ANKRD26: variants seen among roughly 807,000 people sequenced by gnomAD.
The protein encoded by ANKRD26 is ankyrin repeat domain 26.
ANKRD26 carries 141 observed loss-of-function variants against 208.7 expected under a neutral mutation model. That is an observed-to-expected ratio of 0.68 (90% CI 0.59 to 0.78). ANKRD26 has a LOEUF of 0.78. ANKRD26 is among the 30% of genes least tolerant of loss of function. The probability of loss-of-function intolerance (pLI) is 0.00; values close to 1 mark genes in which losing one functional copy is unlikely to be tolerated. For synonymous variants in ANKRD26, 636 were observed against 660.4 expected (o/e 0.96, Z 0.57); for missense variants, 1,889 against 1,938.7 (o/e 0.97, Z 0.48).
chr10:27,092,368 A>G (rs2056327603), intron 4 of ANKRD26, 38 bp downstream of exon 4: 1 of 1,484,804 alleles, frequency 6.7e-7, no homozygotes, highest in Non-Finnish European at 9.3e-7. Flanking sequence ...TTTTAAACAT[A>G]CAAGTTTAAA....
chr10:26,963,122 C>T, the ANKRD26 span, among the ~76,000 whole-genome samples: 2 of 152,302 alleles, frequency 1.3e-5, 1 homozygote, highest in Non-Finnish European at 2.9e-5. Flanking sequence ...TGATTATAAT[C>T]AGCTCATTTC....
intron 6 of ANKRD26, among the ~76,000 whole-genome samples, chr10:27,079,363 C>T (rs891887318): frequency 3.9e-5 from 6 of 152,176 alleles, no homozygotes; most frequent in Non-Finnish European, 2.9e-5. Context: ...TTACCAATTG[C>T]TGCCTCTACC....
exon 6 of ANKRD26, among the ~76,000 whole-genome samples, chr10:26,974,077 C>G (rs1247216077): frequency 2.0e-5 from 3 of 151,968 alleles, no homozygotes; most frequent in African/African-American, 4.8e-5. Context: ...CTATTCTACT[C>G]TTTTAGCAAT....
intron 15 of ANKRD26, among the ~76,000 whole-genome samples, chr10:27,054,750 G>A (rs1305727224): frequency 6.6e-6 from 1 of 152,094 alleles, no homozygotes; most frequent in African/African-American, 2.4e-5. Context: ...TTATATATTT[G>A]TCTAAAATAC....
chr10:26,964,254 C>T, the ANKRD26 span, among the ~76,000 whole-genome samples: 2 of 151,990 alleles, frequency 1.3e-5, no homozygotes, highest in Admixed American at 6.6e-5. Context: ...TAGTTGAATC[C>T]ATGGATGAAG....
At chr10:26,995,111 T>A (rs1441405697) in exon 5 of ANKRD26, 4 of 471,020 alleles carry the variant, frequency 8.5e-6, no homozygotes, top group African/African-American at 8.0e-5. Flanking sequence ...TGGTCAGTCA[T>A]CAGAACATAG....
chr10:26,988,830 G>T (rs866594246), downstream of ANKRD26, among the ~76,000 whole-genome samples: 5 of 150,234 alleles, frequency 3.3e-5, no homozygotes, highest in Admixed American at 6.7e-5. Context: ...AAGATCACTT[G>T]AGCTCAGGAG....
At chr10:27,011,835 T>G (rs2053123560) in intron 32 of ANKRD26, among the ~76,000 whole-genome samples, 1 of 152,236 alleles carries the variant, frequency 6.6e-6, no homozygotes, top group African/African-American at 2.4e-5. Flanking sequence ...ACTGCCATCT[T>G]AGACATCAAT....
intron 9 of ANKRD26, among the ~76,000 whole-genome samples, chr10:27,069,526 C>T (rs2055401846): frequency 6.6e-6 from 1 of 152,010 alleles, no homozygotes. Flanking sequence ...CCAGGCTGGT[C>T]ACCAACCCCT....
chr10:26,992,407 A>C (rs992445477), intron 5 of ANKRD26, among the ~76,000 whole-genome samples: 5 of 151,610 alleles, frequency 3.3e-5, no homozygotes, highest in African/African-American at 1.2e-4. Context: ...GCTTATTCCT[A>C]AGGTCATGTT....
chr10:26,961,514 C>T, the ANKRD26 span, among the ~76,000 whole-genome samples: 1 of 152,050 alleles, frequency 6.6e-6, no homozygotes, highest in Non-Finnish European at 1.5e-5. Flanking sequence ...GGGTGAGTTA[C>T]TTAATTGCTC....
intron 30 of ANKRD26, among the ~76,000 whole-genome samples, chr10:27,015,020 T>C (rs1170278799): frequency 6.6e-6 from 1 of 152,136 alleles, no homozygotes; most frequent in Non-Finnish European, 1.5e-5. Flanking sequence ...GGAAATGTCA[T>C]ATAGAAAATA....
intron 9 of ANKRD26, among the ~76,000 whole-genome samples, chr10:27,070,217 T>C (rs771224209): frequency 1.1e-4 from 17 of 150,304 alleles, no homozygotes; most frequent in Admixed American, 4.7e-4. Flanking sequence ...CCAGCCAACA[T>C]AGCAAAACCC....
intron 1 of ANKRD26, among the ~76,000 whole-genome samples, chr10:27,098,204 T>A (rs1233658234): frequency 6.6e-6 from 1 of 152,042 alleles, no homozygotes; most frequent in Non-Finnish European, 1.5e-5. Context: ...AGAGACAGGG[T>A]CTTGCTATGT....
chr10:27,056,424 C>T (rs1040923800), intron 15 of ANKRD26, among the ~76,000 whole-genome samples: 2 of 151,992 alleles, frequency 1.3e-5, no homozygotes, highest in African/African-American at 4.8e-5. Flanking sequence ...ATGATCCACC[C>T]GCCTTGGCCT....
chr10:27,016,911 G>C (rs529705733), intron 30 of ANKRD26, among the ~76,000 whole-genome samples: 5 of 152,168 alleles, frequency 3.3e-5, no homozygotes, highest in African/African-American at 1.2e-4. Flanking sequence ...TTATCAGCCA[G>C]GTTTGGTGGC....
rs866368768 is a variant in ANKRD26 at position 27,057,892 on chromosome 10, G to A, written c.1564+2453C>T. 4.6e-5 allele frequency among the ~76,000 whole-genome samples: 7 copies of A among 151,072 alleles called. No individual in the cohort carries two copies. In the South Asian group the frequency reaches 8.4e-4, roughly 18 times the overall value. Reference sequence around the variant, plus strand: ...GCAGAGGCTGCAGTGAGCCGAGATCGTGCCACCGCACTCCAGCCGGGTGAC... The same window carrying A: ...GCAGAGGCTGCAGTGAGCCGAGATCATGCCACCGCACTCCAGCCGGGTGAC... On this transcript the variant is annotated intron_variant, in intron 15 of 33. Coordinates refer to ENST00000376087, the MANE Select transcript of ANKRD26 (RefSeq NM_014915.3).
intron 22 of ANKRD26, 134 bp from the exon 23 acceptor site, chr10:27,037,457 G>A: frequency 1.0e-6 from 1 of 968,288 alleles, no homozygotes; most frequent in Non-Finnish European, 1.5e-6. Context: ...TATTACTCAA[G>A]AATTACTCAA....
intron 15 of ANKRD26, among the ~76,000 whole-genome samples, chr10:27,058,903 G>C (rs1030591235): frequency 7.3e-6 from 1 of 136,496 alleles, no homozygotes; most frequent in Non-Finnish European, 1.6e-5. Context: ...TTTTTTGTTT[G>C]TTTGTTTTTT....
Sources: allele counts gnomAD v4.1 joint callset (sites outside exome capture counted in the v4.1 genomes callset), GRCh38; gene constraint gnomAD v4.1.1; transcripts MANE v1.5; gene names NCBI Gene and HGNC (gene_info 2026-07-23, HGNC 2026-07-21).